ACOXL: variants seen among roughly 807,000 people sequenced by gnomAD.
The protein encoded by ACOXL is acyl-CoA oxidase like, also known as acyl-coenzyme A oxidase-like protein.
ACOXL carries 70 observed loss-of-function variants against 71.9 expected under a neutral mutation model. The ratio of observed to expected loss-of-function variants is 0.97; its 90% CI spans 0.80 to 1.19. ACOXL has a LOEUF of 1.19. Ranked by LOEUF, ACOXL falls within the 50% of genes most tolerant of loss-of-function variation. The pLI is 0.00. For missense variants in ACOXL, 703 were observed against 736.3 expected, an observed-to-expected ratio of 0.95 and a Z score of 0.52; for synonymous variants, 253 against 281.6, an observed-to-expected ratio of 0.90 and a Z score of 1.02.
At chr2:110,783,325 G>C (rs563197572) in intron 2 of ACOXL, among the ~76,000 whole-genome samples, 2 of 152,320 alleles carry the variant, frequency 1.3e-5, no homozygotes, top group South Asian at 4.1e-4. Context: ...CTTCAGCAGT[G>C]TGAGCTGAAG....
At chr2:111,017,069 C>T (rs1052717143) in intron 14 of ACOXL, among the ~76,000 whole-genome samples, 2 of 152,212 alleles carry the variant, frequency 1.3e-5, no homozygotes, top group Admixed American at 1.3e-4. Flanking sequence ...TCCAGCTTAC[C>T]CTACACCAAT....
intron 14 of ACOXL, among the ~76,000 whole-genome samples, chr2:111,013,267 G>A (rs2064254955): frequency 6.6e-6 from 1 of 152,172 alleles, no homozygotes. Flanking sequence ...GCTCATGCCT[G>A]TAATCCCAGC....
chr2:110,810,143 CAGA>C (rs1299021111), intron 9 of ACOXL, among the ~76,000 whole-genome samples: 2 of 152,222 alleles, frequency 1.3e-5, no homozygotes, highest in African/African-American at 4.8e-5. Context: ...TCCTCCTGAG[CAGA>C]AGGTTACTCA....
At chr2:111,026,540 T>G (rs958650762) in intron 14 of ACOXL, among the ~76,000 whole-genome samples, 2 of 150,164 alleles carry the variant, frequency 1.3e-5, no homozygotes, top group Non-Finnish European at 3.0e-5. Flanking sequence ...ATAAAATATA[T>G]TTTATAAAAT....
At chr2:110,790,586 C>G (rs1684522384) in intron 3 of ACOXL, among the ~76,000 whole-genome samples, 1 of 152,172 alleles carries the variant, frequency 6.6e-6, no homozygotes, top group Admixed American at 6.5e-5. Flanking sequence ...ATCCCCCAAC[C>G]AACTCTACTT....
chr2:110,759,623 C>T (rs1323663467), intron 1 of ACOXL, among the ~76,000 whole-genome samples: 1 of 152,116 alleles, frequency 6.6e-6, no homozygotes, highest in Non-Finnish European at 1.5e-5. Context: ...GCGCTTTATC[C>T]AGCTTGGCAA....
chr2:111,025,337 G>A (rs2064969445), intron 14 of ACOXL, among the ~76,000 whole-genome samples: 1 of 152,182 alleles, frequency 6.6e-6, no homozygotes, highest in South Asian at 2.1e-4. Context: ...TTTATCTTGT[G>A]TAAATACCGA....
intron 1 of ACOXL, among the ~76,000 whole-genome samples, chr2:110,759,523 G>A (rs951244961): frequency 2.6e-5 from 4 of 151,780 alleles, no homozygotes; most frequent in Admixed American, 6.6e-5. Context: ...CCATTTGCTC[G>A]GTAAATTTTT....
At chr2:110,767,270 A>G (rs1355162192) in intron 1 of ACOXL, among the ~76,000 whole-genome samples, 1 of 152,200 alleles carries the variant, frequency 6.6e-6, no homozygotes, top group African/African-American at 2.4e-5. Flanking sequence ...AGAAGTGGGC[A>G]CCAAGGTGGG....
chr2:110,789,934 C>T (rs1048496113), intron 3 of ACOXL, among the ~76,000 whole-genome samples: 7 of 152,362 alleles, frequency 4.6e-5, no homozygotes, highest in South Asian at 2.1e-4. Context: ...ACAGACCTCA[C>T]GGGTCCACTG....
At chr2:111,057,668 G>A (rs1026463401) in intron 16 of ACOXL, among the ~76,000 whole-genome samples, 6 of 152,142 alleles carry the variant, frequency 3.9e-5, no homozygotes, top group South Asian at 2.1e-4. Flanking sequence ...TTTACACTTC[G>A]CCTAGCTCCT....
At chr2:110,930,770 G>A (rs1473485822) in intron 11 of ACOXL, among the ~76,000 whole-genome samples, 1 of 152,172 alleles carries the variant, frequency 6.6e-6, no homozygotes, top group Non-Finnish European at 1.5e-5. Context: ...TTTTACAAGA[G>A]GTTTCCCCTT....
intron 2 of ACOXL, among the ~76,000 whole-genome samples, chr2:110,783,059 C>A (rs1183440206): frequency 6.6e-6 from 1 of 152,148 alleles, no homozygotes. Flanking sequence ...GGCAAGATGT[C>A]CAGATGAGAA....
intron 3 of ACOXL, among the ~76,000 whole-genome samples, chr2:110,789,197 A>G (rs544475333): frequency 1.3e-5 from 2 of 152,288 alleles, no homozygotes; most frequent in Admixed American, 6.5e-5. Flanking sequence ...GTGCCAGGGA[A>G]AAAGATTGTC....
intron 7 of ACOXL, among the ~76,000 whole-genome samples, chr2:110,800,150 C>T (rs1273766738): frequency 1.3e-5 from 2 of 152,182 alleles, no homozygotes; most frequent in Admixed American, 1.3e-4. Context: ...AATCTGGATG[C>T]TGCTCACTCT....
intron 1 of ACOXL, among the ~76,000 whole-genome samples, chr2:110,740,672 T>C (rs1677415480): frequency 6.6e-6 from 1 of 152,236 alleles, no homozygotes; most frequent in South Asian, 2.1e-4. Flanking sequence ...ATTTATTGGA[T>C]GTAGGGTCCA....
At chr2:111,020,403 A>T (rs2064693998) in intron 14 of ACOXL, among the ~76,000 whole-genome samples, 1 of 152,128 alleles carries the variant, frequency 6.6e-6, no homozygotes, top group African/African-American at 2.4e-5. Flanking sequence ...CACTCTGGGG[A>T]TGGAGAGCTG....
chr2:111,049,145 T>G (rs529172981), intron 15 of ACOXL, 73 bp from the exon 16 acceptor site: 1 of 1,157,690 alleles, frequency 8.6e-7, no homozygotes, highest in South Asian at 1.3e-5. Context: ...ATAACCACAG[T>G]GTCCTCCTTC....
chr2:110,835,944 G>C lies in ACOXL; in HGVS notation c.754-5427G>C, dbSNP rs76074163. The stretch of plus-strand genomic sequence containing the variant: ...CGGCCTAAAACAACCCTGTGGAGTA[G>C]GTAACATTATCCTCATTTCACAATG... On this transcript the variant is annotated intron_variant, in intron 9 of 17. Coordinates refer to ENST00000439055, the MANE Select transcript of ACOXL (RefSeq NM_001142807.4). 3.6e-4 allele frequency among the ~76,000 whole-genome samples: 55 copies of C among 152,304 alleles called. No individual in the cohort carries two copies. The East Asian group carries it at 7.5e-3, about 21-fold the overall frequency.
Sources: allele counts gnomAD v4.1 joint callset (sites outside exome capture counted in the v4.1 genomes callset), GRCh38; gene constraint gnomAD v4.1.1; transcripts MANE v1.5; gene names NCBI Gene and HGNC (gene_info 2026-07-23, HGNC 2026-07-21).